SULF2: variants seen among roughly 807,000 people sequenced by gnomAD.
The protein encoded by SULF2 is extracellular sulfatase Sulf-2.
In SULF2, 52 loss-of-function variants were observed where a neutral mutation model predicts 107.7. The ratio of observed to expected loss-of-function variants is 0.48; its 90% CI spans 0.39 to 0.61. SULF2 has a LOEUF of 0.61. Among genes scored for constraint, SULF2 ranks in the 20% least tolerant of loss-of-function variants. The pLI, the probability that SULF2 is intolerant of heterozygous loss-of-function variation, is 0.00. For synonymous variants in SULF2, 460 were observed against 464.3 expected, an observed-to-expected ratio of 0.99 and a Z score of 0.12; for missense variants, 993 against 1,177.3, an observed-to-expected ratio of 0.84 and a Z score of 2.29.
chr20:47,730,547 T>A (rs1275427440), intron 3 of SULF2, among the ~76,000 whole-genome samples: 1 of 152,080 alleles, frequency 6.6e-6, no homozygotes, highest in East Asian at 1.9e-4. Context: ...GCCTCCTGGG[T>A]TCAAGTGATT....
intron 3 of SULF2, among the ~76,000 whole-genome samples, chr20:47,727,195 T>C (rs190551024): frequency 5.3e-4 from 81 of 152,206 alleles, no homozygotes; most frequent in African/African-American, 1.9e-3. Flanking sequence ...TAAGATGAAG[T>C]TACGCTGGAT....
rs146654572 is a variant in SULF2, at chr20:47,733,956, C to T, written c.415+2747G>A. Among the ~76,000 whole-genome samples the T allele has an allele frequency of 5.9e-5, 9 of 152,294 alleles. No individual in the cohort carries two copies. In the East Asian group the frequency reaches 1.2e-3, roughly 20 times the overall value. Reference sequence around the variant, plus strand: ...TTTGGGCTGATCTCCTCTATTCAAACGAGTATCACAAACACAAATGGCTAA... The same window carrying T: ...TTTGGGCTGATCTCCTCTATTCAAATGAGTATCACAAACACAAATGGCTAA... On this transcript the variant is annotated intron_variant, in intron 3 of 20. Transcript: ENST00000688720.
At chr20:47,750,808 T>A (rs114272626) in intron 2 of SULF2, among the ~76,000 whole-genome samples, 1 of 152,360 alleles carries the variant, frequency 6.6e-6, no homozygotes, top group African/African-American at 2.4e-5. Flanking sequence ...GCTCTGAGCC[T>A]GCTGAGACCG....
chr20:47,769,329 C>G (rs1368944981), intron 1 of SULF2, among the ~76,000 whole-genome samples: 1 of 151,606 alleles, frequency 6.6e-6, no homozygotes, highest in African/African-American at 2.4e-5. Context: ...CGTGAGCCAC[C>G]GCGCCCGGCC....
chr20:47,763,386 A>G (rs2090457291), intron 1 of SULF2, among the ~76,000 whole-genome samples: 2 of 152,206 alleles, frequency 1.3e-5, no homozygotes, highest in African/African-American at 4.8e-5. Context: ...AGCGGTGAAC[A>G]AACACCTGGG....
At chr20:47,726,387 A>G (rs537189347) in intron 3 of SULF2, among the ~76,000 whole-genome samples, 1 of 150,526 alleles carries the variant, frequency 6.6e-6, no homozygotes, top group South Asian at 2.1e-4. Flanking sequence ...TTTTTTTTCA[A>G]ATTTTTTGTA....
intron 4 of SULF2, 51 bp from the exon 5 acceptor site, chr20:47,690,346 C>T (rs745811344): frequency 4.4e-6 from 6 of 1,349,874 alleles, no homozygotes; most frequent in Admixed American, 2.8e-5. Context: ...GGTATTCATA[C>T]TGGTGTCCAC....
intron 1 of SULF2, among the ~76,000 whole-genome samples, chr20:47,760,727 G>A (rs1278646074): frequency 1.3e-5 from 2 of 152,198 alleles, no homozygotes; most frequent in Non-Finnish European, 2.9e-5. Context: ...CTCCTTCCCA[G>A]GTGGCTCTGA....
chr20:47,773,588 G>A (rs1438453622), intron 1 of SULF2, among the ~76,000 whole-genome samples: 2 of 152,256 alleles, frequency 1.3e-5, no homozygotes, highest in African/African-American at 2.4e-5. Flanking sequence ...CTGTTTAGAG[G>A]AAGTAGAAAT....
At chr20:47,698,134 C>T (rs1488647111) in intron 4 of SULF2, among the ~76,000 whole-genome samples, 2 of 152,240 alleles carry the variant, frequency 1.3e-5, no homozygotes, top group South Asian at 2.1e-4. Flanking sequence ...GATGACCTGT[C>T]GGAGGCAGAG....
chr20:47,757,090 C>T lies in SULF2; in HGVS notation c.175+99G>A, dbSNP rs75918274. On this transcript the variant is annotated intron_variant, in intron 2 of 20. Transcript: ENST00000688720. The stretch of plus-strand genomic sequence containing the variant: ...GTTTCAATGTACTCAAAAGTGAGCA[C>T]GACGCATCAACACCACCGCCTTGCC... 4.6e-3 allele frequency: 5,152 copies of T among 1,128,076 alleles called. 128 individuals carry two copies. The African/African-American group carries it at 0.064, about 14-fold the overall frequency. 69.9% of individuals were successfully genotyped at this position (1,128,076 alleles called of 1,614,324 possible).
In SULF2 at chr20:47,665,234, T is replaced by G. The variant is rs2087221672; in HGVS notation, c.1962A>C (p.Lys654Asn). Residue 654 changes from lysine to asparagine, a missense_variant, in exon 14 of 21, where the codon AAA becomes AAC. Transcript: ENST00000688720. ...GACAGTCACATTCTTCTGGCCGCTT[T>G]TTCTTCAGGTGACCTCGGACTTCCC... ...NLREVRGHLKKKRPEECDCHK... is the reference protein window; with the variant it reads ...NLREVRGHLKNKRPEECDCHK... 4 of 1,614,176 alleles carry G rather than the reference T, an allele frequency of 2.5e-6. No individual in the cohort carries two copies. In the East Asian group the frequency reaches 8.9e-5, roughly 36 times the overall value.
intron 3 of SULF2, among the ~76,000 whole-genome samples, chr20:47,724,593 G>A (rs1472948497): frequency 1.3e-5 from 2 of 152,214 alleles, no homozygotes. Flanking sequence ...TCAATTAGCT[G>A]GGTATGGAGG....
At chr20:47,766,556 T>G (rs1568923381) in intron 1 of SULF2, among the ~76,000 whole-genome samples, 2 of 152,214 alleles carry the variant, frequency 1.3e-5, no homozygotes, top group Non-Finnish European at 2.9e-5. Flanking sequence ...TAACTATTGA[T>G]GTAACAAGAC....
intron 18 of SULF2, among the ~76,000 whole-genome samples, chr20:47,661,155 C>T (rs888883130): frequency 2.6e-5 from 4 of 152,136 alleles, no homozygotes; most frequent in African/African-American, 9.7e-5. Context: ...GCCCTCCCGC[C>T]ACTCTCCACT....
chr20:47,714,186 C>T (rs940835409), intron 3 of SULF2, among the ~76,000 whole-genome samples: 2 of 152,368 alleles, frequency 1.3e-5, no homozygotes, highest in Non-Finnish European at 1.5e-5. Context: ...CTTTGCCCTT[C>T]GTGGCATCAT....
intron 2 of SULF2, among the ~76,000 whole-genome samples, chr20:47,750,922 C>T (rs1408827425): frequency 6.6e-6 from 1 of 152,172 alleles, no homozygotes; most frequent in Non-Finnish European, 1.5e-5. Context: ...TCAGATTTCC[C>T]CTTCCCAATG....
intron 2 of SULF2, among the ~76,000 whole-genome samples, chr20:47,752,506 G>A (rs2090179212): frequency 1.3e-5 from 2 of 151,456 alleles, no homozygotes; most frequent in South Asian, 4.2e-4. Flanking sequence ...AATGGGGGGC[G>A]GATTGTTTGA....
At chr20:47,706,331 G>A (rs1015752395) in intron 3 of SULF2, among the ~76,000 whole-genome samples, 6 of 152,008 alleles carry the variant, frequency 3.9e-5, no homozygotes, top group Admixed American at 2.0e-4. Flanking sequence ...ATGCTCTCCC[G>A]TACCTCCTCC....
Sources: gnomAD v4.1 joint callset for allele counts (sites outside exome capture counted in the v4.1 genomes callset) on GRCh38, gnomAD v4.1.1 for gene constraint, MANE v1.5 for transcripts, NCBI Gene and HGNC (gene_info 2026-07-23, HGNC 2026-07-21) for gene names.